Variants in TAFA5 observed in about 807,000 individuals in gnomAD.
TAFA5 encodes the protein TAFA chemokine like family member 5.
A neutral mutation model predicts 15.3 loss-of-function variants in TAFA5; 6 were observed. That is an observed-to-expected ratio of 0.39 (90% CI 0.21 to 0.77). TAFA5 has a LOEUF of 0.77. Ranked by LOEUF, TAFA5 falls within the 30% of genes least tolerant of loss-of-function variation. The pLI is 0.41. For synonymous variants in TAFA5, 103 were observed against 80.7 expected, an observed-to-expected ratio of 1.28 and a Z score of -1.48; for missense variants, 161 against 193.1, an observed-to-expected ratio of 0.83 and a Z score of 0.98.
intron 3 of TAFA5, among the ~76,000 whole-genome samples, chr22:48,735,670 G>GT (rs1929988217): frequency 6.6e-6 from 1 of 152,196 alleles, no homozygotes; most frequent in Non-Finnish European, 1.5e-5. Context: ...TTGGAAGACA[G>GT]TTTGGCAGTG....
Position 48,550,603 on chromosome 22 carries a change from T to C in TAFA5, c.112+60899T>C, listed in dbSNP as rs1922822303. 6.6e-6 allele frequency among the ~76,000 whole-genome samples: 1 copy of C among 152,150 alleles called. No homozygotes were observed. The highest frequency in any genetic ancestry group is 1.5e-5 in the Non-Finnish European group (1 of 68,008). On this transcript the variant is annotated intron_variant, in intron 1 of 3. Transcript: ENST00000402357. This position sits in a 1 kb window ranked among gnomAD's most constrained non-coding sequence, Gnocchi z 4.1. ...ATCCCACGGTTCCTAGCAGGTTCCA[T>C]CGCCTTCCGCACTTGATGCTGCTGG...
intron 1 of TAFA5, among the ~76,000 whole-genome samples, chr22:48,505,145 T>A (rs1383312816): frequency 6.6e-6 from 1 of 152,204 alleles, no homozygotes; most frequent in Non-Finnish European, 1.5e-5. Context: ...CTTTGGGGGA[T>A]TTCTCAGGTC....
intron 1 of TAFA5, among the ~76,000 whole-genome samples, chr22:48,555,844 C>G (rs1490439307): frequency 3.3e-5 from 5 of 152,194 alleles, no homozygotes; most frequent in Admixed American, 3.3e-4. Context: ...CAAGCCATCT[C>G]TCAAGGAACA....
intron 1 of TAFA5, among the ~76,000 whole-genome samples, chr22:48,634,631 G>T (rs1012861573): frequency 2.6e-5 from 4 of 151,396 alleles, no homozygotes; most frequent in Non-Finnish European, 5.9e-5. Flanking sequence ...TGACACACTC[G>T]GTCATTTACT....
chr22:48,604,619 A>T (rs1390030919), intron 1 of TAFA5, among the ~76,000 whole-genome samples: 1 of 152,114 alleles, frequency 6.6e-6, no homozygotes, highest in Non-Finnish European at 1.5e-5. Flanking sequence ...TTGTTTTCGA[A>T]ATTTCTCCCA....
chr22:48,665,478 G>C (rs75828863), intron 2 of TAFA5, among the ~76,000 whole-genome samples: 1 of 152,130 alleles, frequency 6.6e-6, no homozygotes, highest in Non-Finnish European at 1.5e-5. Context: ...GCCGTGAGAC[G>C]TTCTCTCGCG....
chr22:48,576,617 G>A (rs1467698876), intron 1 of TAFA5: 11 of 1,330,012 alleles, frequency 8.3e-6, no homozygotes, highest in Non-Finnish European at 1.1e-5. Flanking sequence ...GCTCTGCCCG[G>A]CTCGCGGCGG....
At chr22:48,557,913 C>T (rs892529291) in intron 1 of TAFA5, among the ~76,000 whole-genome samples, 11 of 152,204 alleles carry the variant, frequency 7.2e-5, no homozygotes, top group South Asian at 6.2e-4. Context: ...AGGACACAAC[C>T]GGAGGATGTG....
At chr22:48,524,505 C>A (rs1291520881) in intron 1 of TAFA5, among the ~76,000 whole-genome samples, 1 of 152,250 alleles carries the variant, frequency 6.6e-6, no homozygotes, top group African/African-American at 2.4e-5. Flanking sequence ...CTGGGAAGTT[C>A]TGGAACATTC....
rs374671112 is a variant in TAFA5, at chr22:48,560,587, T to A, written c.112+70883T>A. Among the ~76,000 whole-genome samples, 1 of 17,188 alleles carries A rather than the reference T, an allele frequency of 5.8e-5. No individual in the cohort carries two copies. Among genetic ancestry groups the A allele is most frequent in the Admixed American group, 5.5e-4 (1 of 1,816 alleles). 11.3% of individuals were successfully genotyped at this position (17,188 alleles called of 152,430 possible). On this transcript the variant is annotated intron_variant, in intron 1 of 3. Transcript: ENST00000402357. This position sits in a 1 kb window ranked among gnomAD's most constrained non-coding sequence, Gnocchi z 4.2. Reference sequence around the variant, plus strand: ...TGTATTTTATTATTATTATTATTATTATTATATTATTATTATTAATTATTT... The same window carrying A: ...TGTATTTTATTATTATTATTATTATAATTATATTATTATTATTAATTATTT...
At chr22:48,545,270 T>C in intron 1 of TAFA5, 1 of 256,408 alleles carries the variant, frequency 3.9e-6, no homozygotes, top group Non-Finnish European at 7.8e-6. Flanking sequence ...GGTCTCGGAA[T>C]TCCCTGGCAC....
Position 48,581,397 on chromosome 22 carries a change from C to T in TAFA5, c.113-65200C>T, listed in dbSNP as rs560367108. Among the ~76,000 whole-genome samples, 22 of 152,292 alleles carry T rather than the reference C, an allele frequency of 1.4e-4. No individual in the cohort carries two copies. The East Asian group carries it at 3.3e-3, about 23-fold the overall frequency. ...ATTGGATTGCGGCTGATCTTGCCGC[C>T]GGCATCTGTGGAAACTCATCAGTCT... On this transcript the variant is annotated intron_variant, in intron 1 of 3. Coordinates refer to ENST00000402357, the MANE Select transcript of TAFA5 (RefSeq NM_001082967.3).
At chr22:48,509,038 T>TA (rs1921113658) in intron 1 of TAFA5, among the ~76,000 whole-genome samples, 1 of 152,208 alleles carries the variant, frequency 6.6e-6, no homozygotes, top group Non-Finnish European at 1.5e-5. Context: ...TTTTAGCTCT[T>TA]ACGTATGAAT....
At chr22:48,748,736 C>T (rs749683082) in intron 3 of TAFA5, among the ~76,000 whole-genome samples, 1 of 152,184 alleles carries the variant, frequency 6.6e-6, no homozygotes, top group Non-Finnish European at 1.5e-5. Flanking sequence ...CTGGAGATGA[C>T]CCCTGGCCCT....
At chr22:48,673,945 G>T (rs374088827) in intron 2 of TAFA5, among the ~76,000 whole-genome samples, 3 of 152,196 alleles carry the variant, frequency 2.0e-5, no homozygotes, top group South Asian at 2.1e-4. Flanking sequence ...CTCTGGGGTC[G>T]GGTGTCTAGT....
intron 1 of TAFA5, among the ~76,000 whole-genome samples, chr22:48,533,143 C>T (rs1922029365): frequency 6.6e-6 from 1 of 152,172 alleles, no homozygotes; most frequent in Non-Finnish European, 1.5e-5. Flanking sequence ...GTGCCTGCTG[C>T]CGCCCAGCCT....
intron 1 of TAFA5, among the ~76,000 whole-genome samples, chr22:48,630,662 G>A (rs764343896): frequency 3.3e-4 from 50 of 152,274 alleles, no homozygotes; most frequent in East Asian, 7.8e-4. Flanking sequence ...CAATGACAGC[G>A]TCCACGTCTT....
chr22:48,597,093 C>T (rs944887418), intron 1 of TAFA5, among the ~76,000 whole-genome samples: 9 of 152,228 alleles, frequency 5.9e-5, no homozygotes, highest in Non-Finnish European at 1.2e-4. Context: ...AGGTGTGAGT[C>T]ACCACAGCCG....
intron 1 of TAFA5, among the ~76,000 whole-genome samples, chr22:48,507,602 G>T: frequency 6.6e-6 from 1 of 152,206 alleles, no homozygotes. Flanking sequence ...GGTTGTCTTT[G>T]GCCCCAGAAA....
Sources: gnomAD v4.1 joint callset for allele counts (sites outside exome capture counted in the v4.1 genomes callset) on GRCh38, gnomAD v4.1.1 for gene constraint, Gnocchi (gnomAD v3.1) non-coding constraint, MANE v1.5 for transcripts, NCBI Gene and HGNC (gene_info 2026-07-23, HGNC 2026-07-21) for gene names.